PARD3B: variants seen among roughly 807,000 people sequenced by gnomAD.
PARD3B encodes the protein partitioning defective 3 homolog B.
A neutral mutation model predicts 130.2 loss-of-function variants in PARD3B; 103 were observed. The observed-to-expected ratio is 0.79, with a 90% confidence interval of 0.67 to 0.93. The LOEUF is 0.93. PARD3B is among the 40% of genes least tolerant of loss of function. PARD3B has a pLI of 0.00. For synonymous variants in PARD3B, 583 were observed against 553.2 expected (o/e 1.05, Z -0.76); for missense variants, 1,609 against 1,499.2 (o/e 1.07, Z -1.21).
At chr2:205,583,996 G>A (rs1371320303) in intron 22 of PARD3B, among the ~76,000 whole-genome samples, 1 of 152,196 alleles carries the variant, frequency 6.6e-6, no homozygotes, top group African/African-American at 2.4e-5. Flanking sequence ...TGTTACCCAT[G>A]ATAACTCTAA....
In PARD3B at chr2:205,229,933, G is replaced by A. The variant is rs541795177; in HGVS notation, c.2141-15845G>A. On this transcript the variant is annotated intron_variant, in intron 15 of 22. Coordinates refer to ENST00000406610, the MANE Select transcript of PARD3B (RefSeq NM_001302769.2). This position sits in a 1 kb window ranked among gnomAD's most constrained non-coding sequence, Gnocchi z 5.2. ...CTCTCCCCACAGCCACCACCACCACGTCCATGGCAAGTACTGCCTGTCTAC... is the reference window on the plus strand; with the variant it reads ...CTCTCCCCACAGCCACCACCACCACATCCATGGCAAGTACTGCCTGTCTAC... Among the ~76,000 whole-genome samples, 8 of 151,876 alleles carry A rather than the reference G, an allele frequency of 5.3e-5. No homozygotes were observed. The highest frequency in any genetic ancestry group is 1.2e-4 in the African/African-American group (5 of 41,450).
rs113451079 is a variant in PARD3B, at chr2:205,012,674, C to T, written c.395-34907C>T. Reference sequence around the variant, plus strand: ...CACTTGATAGCTTAACGCATACAACCGCATTAAAGAGATAGTGTTTTAACT... The same window carrying T: ...CACTTGATAGCTTAACGCATACAACTGCATTAAAGAGATAGTGTTTTAACT... On this transcript the variant is annotated intron_variant, in intron 3 of 22. Coordinates refer to ENST00000406610, the MANE Select transcript of PARD3B (RefSeq NM_001302769.2). Among the ~76,000 whole-genome samples the T allele has an allele frequency of 4.3e-4, 65 of 152,298 alleles. 1 individual carries two copies. Among genetic ancestry groups the T allele is most frequent in the African/African-American group, 1.4e-3 (59 of 41,564 alleles).
intron 22 of PARD3B, among the ~76,000 whole-genome samples, chr2:205,607,824 A>G (rs1487566121): frequency 1.0e-5 from 1 of 96,500 alleles, no homozygotes; most frequent in Non-Finnish European, 1.9e-5. Flanking sequence ...CTCTCCCCCA[A>G]CACCCATACA....
intron 2 of PARD3B, among the ~76,000 whole-genome samples, chr2:204,870,909 TG>T (rs2045604618): frequency 6.6e-6 from 1 of 152,198 alleles, no homozygotes; most frequent in Admixed American, 6.5e-5. Context: ...TAGAGAAATG[TG>T]GGATTGCCTA....
At chr2:205,080,432 C>A (rs985992489) in intron 4 of PARD3B, among the ~76,000 whole-genome samples, 4 of 151,946 alleles carry the variant, frequency 2.6e-5, no homozygotes, top group Admixed American at 1.3e-4. Context: ...ATTTACCCAC[C>A]CTGGCCAATA....
At chr2:205,482,231 T>A (rs4377318) in intron 20 of PARD3B, among the ~76,000 whole-genome samples, 8 of 152,266 alleles carry the variant, frequency 5.3e-5, no homozygotes, top group Admixed American at 1.3e-4. Flanking sequence ...AGAGAATAGC[T>A]AAAGAGACAG....
At chr2:205,535,285 G>A (rs1421921701) in intron 21 of PARD3B, among the ~76,000 whole-genome samples, 4 of 152,306 alleles carry the variant, frequency 2.6e-5, no homozygotes, top group Admixed American at 2.6e-4. Context: ...CTGTGCCTTA[G>A]AGTTGGCCCC....
Position 205,553,304 on chromosome 2 carries a change from AATTG to A in PARD3B, c.3181-19_3181-16del, listed in dbSNP as rs771674584. On this transcript the variant is annotated splice_polypyrimidine_tract_variant and intron_variant, in intron 21 of 22. Coordinates refer to ENST00000406610, the MANE Select transcript of PARD3B (RefSeq NM_001302769.2). Reference sequence around the variant, plus strand: ...AGGTGTATAATGGATCTTCATCTCTAATTGCTTTTCTCTCCACAGGTGCCTGGAA... The same window carrying A: ...AGGTGTATAATGGATCTTCATCTCTACTTTTCTCTCCACAGGTGCCTGGAA... The A allele has an allele frequency of 6.2e-7, 1 of 1,605,410 alleles. No individual in the cohort carries two copies. The highest frequency in any genetic ancestry group is 8.5e-7 in the Non-Finnish European group (1 of 1,172,382).
At chr2:204,653,948 A>G (rs2125172553) in intron 1 of PARD3B, among the ~76,000 whole-genome samples, 1 of 151,408 alleles carries the variant, frequency 6.6e-6, no homozygotes, top group East Asian at 1.9e-4. Context: ...ACAAATGTAC[A>G]TTTATGAACA....
intron 4 of PARD3B, among the ~76,000 whole-genome samples, chr2:205,073,883 A>G (rs1700886834): frequency 6.6e-6 from 1 of 152,172 alleles, no homozygotes; most frequent in African/African-American, 2.4e-5. Flanking sequence ...CACTGCTTAT[A>G]AACAACAAAT....
intron 11 of PARD3B, among the ~76,000 whole-genome samples, chr2:205,162,799 C>A (rs181912344): frequency 2.1e-3 from 317 of 152,238 alleles, no homozygotes; most frequent in African/African-American, 7.3e-3. Flanking sequence ...TCAAAATTTG[C>A]GTTTTATTTT....
chr2:204,581,304 T>C (rs1458300592), intron 1 of PARD3B, among the ~76,000 whole-genome samples: 2 of 152,240 alleles, frequency 1.3e-5, no homozygotes, highest in Non-Finnish European at 2.9e-5. Context: ...AGATGCTGAG[T>C]TGCATTTGTA....
Position 205,175,721 on chromosome 2 carries a change from A to G in PARD3B, c.1792-724A>G, listed in dbSNP as rs76322762. Among the ~76,000 whole-genome samples the G allele has an allele frequency of 5.9e-5, 9 of 152,204 alleles. No homozygotes were observed. In the East Asian group the frequency reaches 1.3e-3, roughly 23 times the overall value. ...AGCATACCCTAATTCTCTTTGCTCC[A>G]ACCTTTTTGGAAAAAAAAATAGTTA... On this transcript the variant is annotated intron_variant, in intron 12 of 22. Transcript: ENST00000406610.
At chr2:204,717,370 A>G (rs2125312560) in intron 2 of PARD3B, among the ~76,000 whole-genome samples, 1 of 152,328 alleles carries the variant, frequency 6.6e-6, no homozygotes, top group South Asian at 2.1e-4. Flanking sequence ...CTCCTAATTG[A>G]ATCCACTTGC....
rs2033875561 is a variant in PARD3B, at chr2:204,610,316, A to G, written c.120+64197A>G. Among the ~76,000 whole-genome samples the G allele has an allele frequency of 6.6e-6, 1 of 152,234 alleles. No homozygotes were observed. Among genetic ancestry groups the G allele is most frequent in the Admixed American group, 6.5e-5 (1 of 15,284 alleles). On this transcript the variant is annotated intron_variant, in intron 1 of 22. Transcript: ENST00000406610. This position sits in a 1 kb window ranked among gnomAD's most constrained non-coding sequence, Gnocchi z 4.1. ...TCTTAATGTAATATGGCAAATATTT[A>G]CAATGATTTGTTAAGTAGTCTATCG...
Position 205,172,238 on chromosome 2 carries a change from C to A in PARD3B, c.1648C>A (p.Leu550Met). 1 of 1,614,094 alleles carries A rather than the reference C, an allele frequency of 6.2e-7. No homozygotes were observed. The highest frequency in any genetic ancestry group is 1.3e-5 in the African/African-American group (1 of 75,034). ...KDGRLRMNDQ[L>M]IAVNGESLLG... is the part of the protein sequence containing the mutation. The stretch of plus-strand genomic sequence containing the variant: ...TGGTCGTCTGCGAATGAATGACCAG[C>A]TGATTGCAGTTAATGGGGAATCTCT... Residue 550 changes from leucine (L) to methionine (M), a missense_variant, in exon 12 of 23, where the codon CTG becomes ATG. Transcript: ENST00000406610.
At chr2:205,521,346 CTAACTTGT>C (rs755292035) in intron 21 of PARD3B, among the ~76,000 whole-genome samples, 4 of 152,100 alleles carry the variant, frequency 2.6e-5, no homozygotes, top group Non-Finnish European at 4.4e-5. Context: ...TCTGTCACTC[CTAACTTGT>C]TAAAGTTCTT....
In PARD3B at chr2:204,661,920, T is replaced by C. The variant is rs193114197; in HGVS notation, c.121-24261T>C. The stretch of plus-strand genomic sequence containing the variant: ...GTAGAAACTGGGCCTCATACAAATA[T>C]GTAGCTGGAAAAGAAAGGATCATTT... On this transcript the variant is annotated intron_variant, in intron 1 of 22. Transcript: ENST00000406610. 6.0e-4 allele frequency among the ~76,000 whole-genome samples: 92 copies of C among 152,326 alleles called. No individual in the cohort carries two copies. The East Asian group carries it at 0.017, about 29-fold the overall frequency.
intron 2 of PARD3B, among the ~76,000 whole-genome samples, chr2:204,794,559 C>T (rs1406944182): frequency 6.6e-6 from 1 of 152,104 alleles, no homozygotes; most frequent in Non-Finnish European, 1.5e-5. Flanking sequence ...CACCCCAGGG[C>T]ACTATTATAT....
Sources: allele counts gnomAD v4.1 joint callset (sites outside exome capture counted in the v4.1 genomes callset), GRCh38; gene constraint gnomAD v4.1.1; non-coding constraint Gnocchi (gnomAD v3.1); transcripts MANE v1.5; gene names NCBI Gene and HGNC (gene_info 2026-07-23, HGNC 2026-07-21).